GALNT18: variants seen among roughly 807,000 people sequenced by gnomAD.
The protein encoded by GALNT18 is polypeptide N-acetylgalactosaminyltransferase 18.
In GALNT18, 44 loss-of-function variants were observed where a neutral mutation model predicts 69.5. The ratio of observed to expected loss-of-function variants is 0.63; its 90% CI spans 0.50 to 0.81. The LOEUF is 0.81. Ranked by LOEUF, GALNT18 falls within the 40% of genes least tolerant of loss-of-function variation. GALNT18 has a pLI of 0.00. For synonymous variants in GALNT18, 364 were observed against 318.2 expected (o/e 1.14, Z -1.53); for missense variants, 715 against 810.0 (o/e 0.88, Z 1.42).
chr11:11,493,736 A>G (rs1590050445), intron 1 of GALNT18, among the ~76,000 whole-genome samples: 1 of 110,324 alleles, frequency 9.1e-6, no homozygotes, highest in Non-Finnish European at 2.1e-5. Context: ...GGCCCAAGAA[A>G]TTGGAAAGTC....
intron 6 of GALNT18, among the ~76,000 whole-genome samples, chr11:11,355,372 C>T (rs1850508965): frequency 6.6e-6 from 1 of 152,128 alleles, no homozygotes; most frequent in South Asian, 2.1e-4. Context: ...TGTAACTCCC[C>T]ATGTGACTAT....
intron 9 of GALNT18, among the ~76,000 whole-genome samples, chr11:11,304,663 C>G (rs539043810): frequency 6.6e-6 from 1 of 152,244 alleles, no homozygotes; most frequent in Non-Finnish European, 1.5e-5. Flanking sequence ...TCTGCCCTCT[C>G]CTATGATGCT....
intron 6 of GALNT18, among the ~76,000 whole-genome samples, chr11:11,351,496 C>A (rs1394076716): frequency 1.3e-5 from 2 of 152,144 alleles, no homozygotes; most frequent in Non-Finnish European, 2.9e-5. Context: ...AAGGATCTGA[C>A]CCTCACAGCT....
intron 9 of GALNT18, among the ~76,000 whole-genome samples, chr11:11,325,397 A>C (rs1849900263): frequency 6.6e-6 from 1 of 152,194 alleles, no homozygotes; most frequent in African/African-American, 2.4e-5. Flanking sequence ...AAAAGAGTAC[A>C]TACTGGGTAC....
chr11:11,378,827 T>C (rs183520734), intron 4 of GALNT18, among the ~76,000 whole-genome samples: 19 of 152,284 alleles, frequency 1.2e-4, no homozygotes, highest in Non-Finnish European at 2.2e-4. Flanking sequence ...CAGAGTCACA[T>C]GTGATGTCAC....
At position 11,621,627 on chromosome 11, in the gene GALNT18, G is replaced by A. The variant is rs1243415795; in HGVS notation, c.-34C>T. ...CCTTCCTCCATATAGAGCTCCCGGGGGCCCTTCCTTGTCGTGCGCCCCGAA... is the reference window on the plus strand; with the variant it reads ...CCTTCCTCCATATAGAGCTCCCGGGAGCCCTTCCTTGTCGTGCGCCCCGAA... On this transcript the variant is annotated 5_prime_UTR_variant, in exon 1 of 11. Coordinates refer to ENST00000227756, the MANE Select transcript of GALNT18 (RefSeq NM_198516.3). The surrounding 1 kb of genome is among the most constrained non-coding windows in gnomAD (Gnocchi z 9.3). 1 of 1,502,080 alleles carries A rather than the reference G, an allele frequency of 6.7e-7. No homozygotes were observed. Among genetic ancestry groups the A allele is most frequent in the South Asian group, 1.2e-5 (1 of 83,370 alleles). The allele number at this position is 1,502,080 out of a possible 1,614,324, so 93.0% of individuals were successfully genotyped here.
chr11:11,351,410 G>A (rs1417917765), intron 6 of GALNT18, among the ~76,000 whole-genome samples: 4 of 152,336 alleles, frequency 2.6e-5, no homozygotes, highest in East Asian at 1.9e-4. Context: ...CTCCACTTAC[G>A]CAAGAGGGAG....
chr11:11,560,739 C>G (rs1052408611), intron 1 of GALNT18, among the ~76,000 whole-genome samples: 49 of 152,216 alleles, frequency 3.2e-4, no homozygotes, highest in Admixed American at 3.1e-3. Context: ...GCCTGCCTTA[C>G]CAGGGCTGAA....
intron 6 of GALNT18, chr11:11,353,414 G>T: frequency 1.9e-6 from 1 of 521,166 alleles, no homozygotes; most frequent in Non-Finnish European, 3.4e-6. Context: ...AGCCCTTTTT[G>T]GGGGTTAAGT....
intron 1 of GALNT18, among the ~76,000 whole-genome samples, chr11:11,554,476 GA>G (rs1197301928): frequency 4.1e-5 from 6 of 147,096 alleles, no homozygotes; most frequent in African/African-American, 7.5e-5. Flanking sequence ...AGTGTTACTT[GA>G]AAAAAAAAAT....
intron 1 of GALNT18, among the ~76,000 whole-genome samples, chr11:11,512,666 AT>A (rs1196899066): frequency 6.6e-6 from 1 of 152,186 alleles, no homozygotes; most frequent in Non-Finnish European, 1.5e-5. Context: ...CAGGTTCTTC[AT>A]CCAAATTGGC....
At chr11:11,272,699 C>T (rs553065586) in intron 10 of GALNT18, among the ~76,000 whole-genome samples, 1 of 152,350 alleles carries the variant, frequency 6.6e-6, no homozygotes, top group South Asian at 2.1e-4. Flanking sequence ...CAAAGCTCAA[C>T]TCCTCCATTT....
chr11:11,468,799 G>T (rs68127041), intron 1 of GALNT18, among the ~76,000 whole-genome samples: 14,368 of 152,204 alleles, frequency 0.094, 749 homozygotes, highest in African/African-American at 0.14. Flanking sequence ...CACTGAAGGG[G>T]GTGTGGCAGA....
Position 11,339,479 on chromosome 11 carries a change from C to T in GALNT18, c.1278+1340G>A, listed in dbSNP as rs1042747275. On this transcript the variant is annotated intron_variant, in intron 7 of 10. Transcript: ENST00000227756. This position sits in a 1 kb window ranked among gnomAD's most constrained non-coding sequence, Gnocchi z 5.2. ...AAGCAGAACCTGGGGACCTGCTATGCCTCACTGGTGAGCTCCTGGGGAGTT... is the reference window on the plus strand; with the variant it reads ...AAGCAGAACCTGGGGACCTGCTATGTCTCACTGGTGAGCTCCTGGGGAGTT... Among the ~76,000 whole-genome samples, 1 of 152,122 alleles carries T rather than the reference C, an allele frequency of 6.6e-6. No homozygotes were observed. Among genetic ancestry groups the T allele is most frequent in the African/African-American group, 2.4e-5 (1 of 41,434 alleles).
In GALNT18 at chr11:11,494,539, T is replaced by A. The variant is rs935263842; in HGVS notation, c.236-45603A>T. Among the ~76,000 whole-genome samples the A allele has an allele frequency of 6.6e-6, 1 of 152,226 alleles. No individual in the cohort carries two copies. Among genetic ancestry groups the A allele is most frequent in the Admixed American group, 6.5e-5 (1 of 15,286 alleles). On this transcript the variant is annotated intron_variant, in intron 1 of 10. Transcript: ENST00000227756. This position sits in a 1 kb window ranked among gnomAD's most constrained non-coding sequence, Gnocchi z 5.7. ...GCCACCTAGACATGACTCAGCCATA[T>A]GAAAGACCCCTTGTGGGTGAGCTGA...
intron 1 of GALNT18, among the ~76,000 whole-genome samples, chr11:11,565,690 C>T (rs545268147): frequency 1.4e-4 from 22 of 152,290 alleles, no homozygotes; most frequent in Non-Finnish European, 2.4e-4. Context: ...AACATGGACC[C>T]TGCCCTCAAG....
rs1301705336 is a variant in GALNT18 at position 11,605,157 on chromosome 11, C to T, written c.235+16202G>A. ...GGCAGAGTCTGAGGAGGAACTTTTA[C>T]TGTGTCCGTTTCCTGTCTGGGGAAA... is the stretch of plus-strand genomic sequence containing the variant. On this transcript the variant is annotated intron_variant, in intron 1 of 10. Transcript: ENST00000227756. This position sits in a 1 kb window ranked among gnomAD's most constrained non-coding sequence, Gnocchi z 4.7. Among the ~76,000 whole-genome samples the T allele has an allele frequency of 1.3e-5, 2 of 152,166 alleles. No homozygotes were observed. Among genetic ancestry groups the T allele is most frequent in the Non-Finnish European group, 2.9e-5 (2 of 68,036 alleles).
chr11:11,404,595 T>C lies in GALNT18; in HGVS notation c.596-25331A>G, dbSNP rs1297353926. ...TCTGAACCACGGCTCCATCCAAACC[T>C]AAGCCCTCCGCCCCACCCTGCGTTC... is the stretch of plus-strand genomic sequence containing the variant. On this transcript the variant is annotated intron_variant, in intron 3 of 10. Transcript: ENST00000227756. The surrounding 1 kb of genome is among the most constrained non-coding windows in gnomAD (Gnocchi z 4.5). Among the ~76,000 whole-genome samples, 1 of 152,138 alleles carries C rather than the reference T, an allele frequency of 6.6e-6. No individual in the cohort carries two copies.
At chr11:11,295,486 T>A (rs7113217) in intron 9 of GALNT18, among the ~76,000 whole-genome samples, 1 of 152,030 alleles carries the variant, frequency 6.6e-6, no homozygotes, top group Non-Finnish European at 1.5e-5. Flanking sequence ...AGGAGGGCTT[T>A]GGGGTCATGG....
Sources: gnomAD v4.1 joint callset for allele counts (sites outside exome capture counted in the v4.1 genomes callset) on GRCh38, gnomAD v4.1.1 for gene constraint, Gnocchi (gnomAD v3.1) non-coding constraint, MANE v1.5 for transcripts, NCBI Gene and HGNC (gene_info 2026-07-23, HGNC 2026-07-21) for gene names.